Variants in TSG101 observed in about 807,000 individuals in gnomAD.
TSG101 encodes the protein tumor susceptibility 101.
TSG101 carries 19 observed loss-of-function variants against 48.5 expected under a neutral mutation model. The observed-to-expected ratio is 0.39, with a 90% CI of 0.27 to 0.58. The LOEUF (loss-of-function observed/expected upper bound fraction) is 0.58, where lower values mean the gene tolerates loss of function less well. Ranked by LOEUF, TSG101 falls within the 20% of genes least tolerant of loss-of-function variation. TSG101 has a pLI of 0.55. For synonymous variants in TSG101, 174 were observed against 169.4 expected (o/e 1.03, Z -0.21); for missense variants, 365 against 484.4 (o/e 0.75, Z 2.31).
intron 7 of TSG101, 128 bp from the exon 8 acceptor site, chr11:18,484,200 T>C (rs561674384): frequency 2.4e-6 from 2 of 827,220 alleles, no homozygotes; most frequent in South Asian, 1.7e-5. Flanking sequence ...AAAAAAATTA[T>C]GTTACCAGTT....
chr11:18,514,613 AAGC>A, intron 4 of TSG101, 62 bp downstream of exon 4: 2 of 1,364,524 alleles, frequency 1.5e-6, no homozygotes, highest in Non-Finnish European at 1.9e-6. Context: ...TGCTAAAAGA[AAGC>A]AGATGCTAGT....
intron 4 of TSG101, among the ~76,000 whole-genome samples, chr11:18,514,351 G>C (rs1040733640): frequency 6.6e-6 from 1 of 152,164 alleles, no homozygotes; most frequent in African/African-American, 2.4e-5. Flanking sequence ...GAAATGCTTT[G>C]AGTAATCAGA....
chr11:18,496,295 TAGTG>T (rs1425609469), intron 7 of TSG101, among the ~76,000 whole-genome samples: 3 of 151,110 alleles, frequency 2.0e-5, no homozygotes, highest in Non-Finnish European at 3.0e-5. Context: ...ATACAAAAAT[TAGTG>T]GGTGTGGTGG....
At chr11:18,482,978 C>T (rs956889596) in intron 8 of TSG101, among the ~76,000 whole-genome samples, 16 of 152,112 alleles carry the variant, frequency 1.1e-4, no homozygotes, top group Non-Finnish European at 1.2e-4. Flanking sequence ...GGCTGTGTCC[C>T]CACCCAAATC....
rs564427109 is a variant in TSG101, at chr11:18,490,310, T to C, written c.641-6238A>G. The C allele has an allele frequency of 3.7e-4, 219 of 587,150 alleles. 2 individuals are homozygous for C. Among genetic ancestry groups the C allele is most frequent in the Non-Finnish European group, 6.4e-4 (191 of 300,094 alleles). The allele number at this position is 587,150 out of a possible 1,614,324, so 36.4% of individuals were successfully genotyped here. Reference sequence around the variant, plus strand: ...CACAGAGTAACACTGTCCCAAGTAATTGCATGATCAGAGTGCTGTCTTTAT... The same window carrying C: ...CACAGAGTAACACTGTCCCAAGTAACTGCATGATCAGAGTGCTGTCTTTAT... On this transcript the variant is annotated intron_variant, in intron 7 of 9. Transcript: ENST00000251968.
At chr11:18,511,653 C>G (rs995123885) in intron 4 of TSG101, among the ~76,000 whole-genome samples, 1 of 152,076 alleles carries the variant, frequency 6.6e-6, no homozygotes, top group Non-Finnish European at 1.5e-5. Context: ...AATTCACATC[C>G]CATAAACTTT....
At chr11:18,509,803 ATTAAT>A (rs1189562917) in intron 4 of TSG101, 138 bp from the exon 5 acceptor site, 109 of 945,234 alleles carry the variant, frequency 1.2e-4, no homozygotes, top group Non-Finnish European at 1.5e-4. Flanking sequence ...ATTTCATTTA[ATTAAT>A]TTATTTTAAT....
chr11:18,490,910 C>A (rs986132869), intron 7 of TSG101: 34 of 404,378 alleles, frequency 8.4e-5, no homozygotes, highest in Non-Finnish European at 6.8e-5. Flanking sequence ...TAGCGCTCAG[C>A]CTGCTCAGTG....
Position 18,526,870 on chromosome 11 carries a change from G to C in TSG101, c.-54C>G, listed in dbSNP as rs554362451. 6.3e-7 allele frequency: 1 copy of C among 1,576,260 alleles called. No individual in the cohort carries two copies. The highest frequency in any genetic ancestry group is 1.7e-4 in the Middle Eastern group (1 of 6,018). On this transcript the variant is annotated 5_prime_UTR_variant, in exon 1 of 10. Transcript: ENST00000251968. ...CAGGCAGAGGGTCAGCCGCTGCTGG[G>C]CTGCCCCAGACCGTCCCACACAATC...
Position 18,521,670 on chromosome 11 carries a change from C to CTTTTT in TSG101, c.43-2072_43-2068dup, listed in dbSNP as rs869176661. Among the ~76,000 whole-genome samples the CTTTTT allele has an allele frequency of 1.3e-4, 9 of 66,692 alleles. 1 individual carries two copies. The highest frequency in any genetic ancestry group is 2.4e-4 in the Admixed American group (1 of 4,210). 43.8% of individuals were successfully genotyped at this position (66,692 alleles called of 152,430 possible). A position where few individuals can be genotyped will look rare whatever the true frequency, so the allele number is the denominator to read the frequency against. ...ATGAACCACTGCACCTGGCCCCTTCCTTTTTTTTTTTTTTTTTTTTTTTTT... is the reference window on the plus strand; with the variant it reads ...ATGAACCACTGCACCTGGCCCCTTCCTTTTTTTTTTTTTTTTTTTTTTTTTTTTTT... On this transcript the variant is annotated intron_variant, in intron 1 of 9. Coordinates refer to ENST00000251968, the MANE Select transcript of TSG101 (RefSeq NM_006292.4).
intron 9 of TSG101, among the ~76,000 whole-genome samples, chr11:18,481,047 A>C (rs1429983673): frequency 6.6e-6 from 1 of 152,206 alleles, no homozygotes; most frequent in African/African-American, 2.4e-5. Context: ...GGCTCCAGCT[A>C]CAGCTGGATC....
intron 4 of TSG101, among the ~76,000 whole-genome samples, chr11:18,514,116 TG>T (rs993024516): frequency 1.7e-4 from 26 of 151,064 alleles, no homozygotes; most frequent in African/African-American, 6.3e-4. Context: ...GTAAGTACCC[TG>T]GGGGAAAAGT....
intron 1 of TSG101, chr11:18,525,551 A>T (rs1850357481): frequency 2.3e-6 from 1 of 439,320 alleles, no homozygotes; most frequent in African/African-American, 2.2e-5. Flanking sequence ...AAAAAAAAAA[A>T]AAAAAAAAAA....
chr11:18,509,151 T>TA (rs1490095801), intron 5 of TSG101, among the ~76,000 whole-genome samples: 1 of 152,218 alleles, frequency 6.6e-6, no homozygotes, highest in East Asian at 1.9e-4. Flanking sequence ...CAGTTGACCT[T>TA]AATCCTTATC....
chr11:18,525,314 A>C (rs990393367), intron 1 of TSG101, among the ~76,000 whole-genome samples: 1 of 152,098 alleles, frequency 6.6e-6, no homozygotes, highest in Admixed American at 6.5e-5. Context: ...TGGGAAGCCA[A>C]AGCGGTGGAT....
chr11:18,488,259 G>GTGAAACTGGAACTGT (rs1849648925), intron 7 of TSG101, among the ~76,000 whole-genome samples: 2 of 151,864 alleles, frequency 1.3e-5, no homozygotes, highest in Non-Finnish European at 2.9e-5. Context: ...TCTTTTTTTG[G>GTGAAACTGGAACTGT]TTTGTTTTAA....
At chr11:18,510,299 T>C (rs1850056969) in intron 4 of TSG101, among the ~76,000 whole-genome samples, 1 of 152,078 alleles carries the variant, frequency 6.6e-6, no homozygotes. Flanking sequence ...TGTGCGTCTA[T>C]GGTCCCAGTT....
At chr11:18,503,459 A>T (rs1590279875) in intron 6 of TSG101, among the ~76,000 whole-genome samples, 1 of 141,918 alleles carries the variant, frequency 7.0e-6, no homozygotes, top group Non-Finnish European at 1.5e-5. Flanking sequence ...TGCAAGCTCC[A>T]CTTCCTGGGT....
intron 5 of TSG101, among the ~76,000 whole-genome samples, chr11:18,509,211 T>C (rs1850028733): frequency 6.6e-6 from 1 of 152,232 alleles, no homozygotes; most frequent in African/African-American, 2.4e-5. Flanking sequence ...TCAGACTACC[T>C]TTCAAGTTAT....
Sources: allele counts gnomAD v4.1 joint callset (sites outside exome capture counted in the v4.1 genomes callset), GRCh38; gene constraint gnomAD v4.1.1; transcripts MANE v1.5; gene names NCBI Gene and HGNC (gene_info 2026-07-23, HGNC 2026-07-21).